The following MEIKIN variants were observed in gnomAD, a reference collection of about 807,000 sequenced individuals.
MEIKIN encodes the protein meiosis-specific kinetochore protein.
chr5:131,889,688 T>C (rs573723061), intron 8 of MEIKIN, among the ~76,000 whole-genome samples: 262 of 152,344 alleles, frequency 1.7e-3, no homozygotes, highest in African/African-American at 5.9e-3. Context: ...CTTTTCCTAA[T>C]TGAATACCGT....
intron 7 of MEIKIN, among the ~76,000 whole-genome samples, chr5:131,916,583 G>C (rs1001318736): frequency 1.3e-5 from 2 of 152,192 alleles, no homozygotes; most frequent in Non-Finnish European, 2.9e-5. Context: ...CTAAGTCAGA[G>C]GGCTGAGAGC....
intron 8 of MEIKIN, among the ~76,000 whole-genome samples, chr5:131,906,452 T>C (rs1052916417): frequency 2.0e-5 from 3 of 152,212 alleles, no homozygotes; most frequent in African/African-American, 7.2e-5. Flanking sequence ...TGGAAAGCAG[T>C]GTGGTAATTC....
intron 8 of MEIKIN, among the ~76,000 whole-genome samples, chr5:131,908,192 A>C (rs1751274914): frequency 6.6e-6 from 1 of 152,206 alleles, no homozygotes; most frequent in Admixed American, 6.5e-5. Context: ...TCAACAAAAT[A>C]GCAAACTGAA....
At chr5:131,871,138 G>A (rs1158098212) in intron 9 of MEIKIN, among the ~76,000 whole-genome samples, 2 of 152,220 alleles carry the variant, frequency 1.3e-5, no homozygotes, top group Non-Finnish European at 2.9e-5. Context: ...ACTGGGGTGT[G>A]CCAGATAGTG....
chr5:131,809,208 G>C (rs1393615953), intron 12 of MEIKIN, among the ~76,000 whole-genome samples: 2 of 152,076 alleles, frequency 1.3e-5, no homozygotes, highest in Non-Finnish European at 2.9e-5. Context: ...ATGATATCCA[G>C]ACTCAATAAA....
At chr5:131,920,666 G>A (rs1751489261) in intron 6 of MEIKIN, among the ~76,000 whole-genome samples, 1 of 151,666 alleles carries the variant, frequency 6.6e-6, no homozygotes, top group African/African-American at 2.4e-5. Context: ...CATCATTTCT[G>A]TGGTATTCTT....
chr5:131,834,589 T>C (rs1472757499), intron 11 of MEIKIN, among the ~76,000 whole-genome samples: 4 of 152,224 alleles, frequency 2.6e-5, no homozygotes, highest in African/African-American at 4.8e-5. Flanking sequence ...TATTTGTCAT[T>C]GTATGTGTGG....
intron 6 of MEIKIN, among the ~76,000 whole-genome samples, chr5:131,919,652 T>C (rs1047046416): frequency 1.5e-4 from 23 of 152,090 alleles, no homozygotes; most frequent in African/African-American, 5.3e-4. Context: ...TATAGCACGG[T>C]ACCCTTCATG....
At chr5:131,894,456 C>G (rs927635932) in intron 8 of MEIKIN, among the ~76,000 whole-genome samples, 24 of 152,200 alleles carry the variant, frequency 1.6e-4, no homozygotes, top group African/African-American at 4.8e-4. Context: ...GTAGCTTGAT[C>G]GGGATGGCAC....
intron 4 of MEIKIN, among the ~76,000 whole-genome samples, chr5:131,934,973 T>C (rs1751748882): frequency 6.6e-6 from 1 of 151,774 alleles, no homozygotes; most frequent in South Asian, 2.1e-4. Context: ...GGGGAATCTC[T>C]TGAACCCAGG....
chr5:131,813,567 C>T (rs186971516), intron 12 of MEIKIN, among the ~76,000 whole-genome samples: 9 of 152,046 alleles, frequency 5.9e-5, no homozygotes, highest in Non-Finnish European at 1.3e-4. Context: ...GCTGGGACTA[C>T]AGGCACCCGC....
At chr5:131,914,521 A>G (rs1233324332) in intron 7 of MEIKIN, among the ~76,000 whole-genome samples, 1 of 132,782 alleles carries the variant, frequency 7.5e-6, no homozygotes, top group Non-Finnish European at 1.6e-5. Flanking sequence ...AAGAAAAAGG[A>G]AGGGAGGGGA....
At chr5:131,931,007 C>A (rs1409012324) in intron 5 of MEIKIN, among the ~76,000 whole-genome samples, 1 of 152,122 alleles carries the variant, frequency 6.6e-6, no homozygotes, top group Non-Finnish European at 1.5e-5. Flanking sequence ...TTTGTTTCGA[C>A]CATGTTTCCC....
chr5:131,878,699 T>C (rs1049203531), intron 9 of MEIKIN, among the ~76,000 whole-genome samples: 1 of 151,932 alleles, frequency 6.6e-6, no homozygotes, highest in African/African-American at 2.4e-5. Context: ...TGATACCCCA[T>C]CTTTACAAAA....
intron 9 of MEIKIN, among the ~76,000 whole-genome samples, chr5:131,871,362 T>A (rs1750493872): frequency 6.6e-6 from 1 of 152,222 alleles, no homozygotes; most frequent in South Asian, 2.1e-4. Context: ...ATCCCGCACA[T>A]GGCTCAGAGG....
rs546995445 is a variant in MEIKIN at position 131,936,987 on chromosome 5, A to T, written c.350-3346T>A. Among the ~76,000 whole-genome samples, 312 of 150,948 alleles carry T rather than the reference A, an allele frequency of 2.1e-3. 1 individual carries two copies. The highest frequency in any genetic ancestry group is 7.2e-3 in the African/African-American group (296 of 41,372). ...CTTCTTCTGTCTTTTCTTCTTTTTT[A>T]AAAAAGTATAGCTATTGGAGATCTC... On this transcript the variant is annotated intron_variant, in intron 4 of 12. Coordinates refer to ENST00000442687, the MANE Select transcript of MEIKIN (RefSeq NM_001303622.2).
At chr5:131,916,793 C>A (rs750760265) in intron 7 of MEIKIN, 93 bp downstream of exon 7, 48 of 389,828 alleles carry the variant, frequency 1.2e-4, no homozygotes, top group Middle Eastern at 6.4e-4. Context: ...TAAATGAACA[C>A]CTGAGTTTGT....
chr5:131,878,183 C>T (rs1052831977), intron 9 of MEIKIN, among the ~76,000 whole-genome samples: 1 of 151,872 alleles, frequency 6.6e-6, no homozygotes, highest in Non-Finnish European at 1.5e-5. Context: ...TTATAAGCTG[C>T]ATAGCTTTTC....
intron 8 of MEIKIN, among the ~76,000 whole-genome samples, chr5:131,897,649 A>C (rs1385189258): frequency 2.6e-5 from 4 of 152,060 alleles, no homozygotes; most frequent in Non-Finnish European, 4.4e-5. Context: ...ATCCTCAATC[A>C]CTGATATCCT....
Sources: gnomAD v4.1 joint callset for allele counts (sites outside exome capture counted in the v4.1 genomes callset) on GRCh38, gnomAD v4.1.1 for gene constraint, MANE v1.5 for transcripts, NCBI Gene and HGNC (gene_info 2026-07-23, HGNC 2026-07-21) for gene names.